Variants in NT5DC1 observed in about 807,000 individuals in gnomAD.
The protein encoded by NT5DC1 is 5'-nucleotidase domain containing 1.
A neutral mutation model predicts 59.4 loss-of-function variants in NT5DC1; 42 were observed. The observed-to-expected ratio is 0.71, with a 90% CI of 0.55 to 0.92. NT5DC1 has a LOEUF of 0.92. Among genes scored for constraint, NT5DC1 ranks in the 40% least tolerant of loss-of-function variants. The pLI is 0.00. For synonymous variants in NT5DC1, 172 were observed against 188.1 expected, an observed-to-expected ratio of 0.91 and a Z score of 0.70; for missense variants, 501 against 537.1, an observed-to-expected ratio of 0.93 and a Z score of 0.66.
rs761683236 is a variant in NT5DC1 at position 116,110,861 on chromosome 6, G to A, written c.269G>A (p.Gly90Asp). The change falls in exon 4 of 12, where the codon GGC becomes GAC. Residue 90 changes from glycine (G) to aspartate (D), a missense_variant. Transcript: ENST00000319550. ...TCTCTCAAAATCAGGGCAAGCCATG[G>A]CACCAAGATGATGACTCCAGAGGTG... ...NNGTVLRASH[G>D]TKMMTPEVLA... The A allele has an allele frequency of 1.9e-6, 3 of 1,613,426 alleles. No individual in the cohort carries two copies. The highest frequency in any genetic ancestry group is 8.5e-7 in the Non-Finnish European group (1 of 1,179,424).
rs35883565 is a variant in NT5DC1, at chr6:116,182,222, A to AGTGTGTGTGTGTGT, written c.530-38813_530-38800dup. The stretch of plus-strand genomic sequence containing the variant: ...TATGGCTGAGTAGTATTCCATGGAG[A>AGTGTGTGTGTGTGT]GTGTGTGTGTGTGTGTGTGTGTGTG... On this transcript the variant is annotated intron_variant, in intron 6 of 11. Coordinates refer to ENST00000319550, the MANE Select transcript of NT5DC1 (RefSeq NM_152729.3). Among the ~76,000 whole-genome samples the AGTGTGTGTGTGTGT allele has an allele frequency of 6.2e-3, 777 of 124,650 alleles. 4 individuals carry two copies. Among genetic ancestry groups the AGTGTGTGTGTGTGT allele is most frequent in the African/African-American group, 0.021 (725 of 34,354 alleles). 81.8% of individuals were successfully genotyped at this position (124,650 alleles called of 152,430 possible). A position where few individuals can be genotyped will look rare whatever the true frequency, so the allele number is the denominator to read the frequency against.
intron 6 of NT5DC1, among the ~76,000 whole-genome samples, chr6:116,172,663 T>G (rs1780638136): frequency 6.6e-6 from 1 of 152,200 alleles, no homozygotes; most frequent in Non-Finnish European, 1.5e-5. Context: ...TTGTTTATGT[T>G]TTCTCTGTAT....
chr6:116,163,141 A>AAAAAAAAAAATAT (rs761718922), intron 6 of NT5DC1, among the ~76,000 whole-genome samples: 27 of 88,382 alleles, frequency 3.1e-4, no homozygotes, highest in African/African-American at 1.5e-3. Flanking sequence ...AAAAAAAAAA[A>AAAAAAAAAAATAT]ATATATATAT....
intron 6 of NT5DC1, among the ~76,000 whole-genome samples, chr6:116,167,035 A>G (rs900092423): frequency 2.6e-5 from 4 of 152,112 alleles, no homozygotes; most frequent in African/African-American, 7.2e-5. Context: ...TGGTTTATAA[A>G]TTTTTGCCCC....
Position 116,101,055 on chromosome 6 carries a change from C to T in NT5DC1, c.93+32C>T, listed in dbSNP as rs534497349. On this transcript the variant is annotated intron_variant, in intron 1 of 11. Transcript: ENST00000319550. ...GGCGCGGGCTCCGGGGCGCACTGCG[C>T]GCAACCTCCATGGCGGCTGGGGCTT... 437 of 1,482,390 alleles carry T rather than the reference C, an allele frequency of 2.9e-4. 1 individual carries two copies. Among genetic ancestry groups the T allele is most frequent in the Admixed American group, 3.5e-4 (20 of 56,460 alleles). 91.8% of individuals were successfully genotyped at this position (1,482,390 alleles called of 1,614,324 possible).
rs142463796 is a variant in NT5DC1, at chr6:116,121,734, C to T, written c.529+3789C>T. The T allele has an allele frequency of 3.4e-3, 5,544 of 1,614,006 alleles. 134 individuals carry two copies. The South Asian group carries it at 0.041, about 12-fold the overall frequency. ...CCTGGTAGGCCAGCTGGTCCAACAT[C>T]TCCTTTTGGTCCATATGGTCCTCTC... On this transcript the variant is annotated intron_variant, in intron 6 of 11. Transcript: ENST00000319550.
chr6:116,111,043 C>G (rs1331636150), intron 4 of NT5DC1, 87 bp downstream of exon 4: 5 of 861,600 alleles, frequency 5.8e-6, no homozygotes, highest in Non-Finnish European at 9.4e-6. Flanking sequence ...GAAGACCCCC[C>G]TTTCCCCTGC....
chr6:116,236,401 G>A (rs1782114456), intron 8 of NT5DC1, among the ~76,000 whole-genome samples: 1 of 152,174 alleles, frequency 6.6e-6, no homozygotes, highest in Non-Finnish European at 1.5e-5. Context: ...GAGTAGGAAG[G>A]TAATGTGCTG....
chr6:116,110,920 C>A lies in NT5DC1; in HGVS notation c.328C>A (p.His110Asn), dbSNP rs765537050. 2 of 1,613,680 alleles carry A rather than the reference C, an allele frequency of 1.2e-6. No homozygotes were observed. Among genetic ancestry groups the A allele is most frequent in the East Asian group, 2.2e-5 (1 of 44,874 alleles). The change falls in exon 4 of 12, where the codon CAC (histidine) becomes AAC (asparagine). Residue 110 changes from histidine to asparagine, a missense_variant. His to Asn is a moderately conservative substitution (Grantham distance 68, BLOSUM62 1). Transcript: ENST00000319550. ...GGCATATGGCAAGAAAGAGTGGAAG[C>A]ACTTCTTGTCGGACACTGGAATGGC... ...AEAYGKKEWK[H>N]FLSDTGMACR...
At position 116,115,657 on chromosome 6, in the gene NT5DC1, G is replaced by T. The variant is rs999773183; in HGVS notation, c.365-34G>T. 8 of 1,041,848 alleles carry T rather than the reference G, an allele frequency of 7.7e-6. No homozygotes were observed. The African/African-American group carries it at 1.3e-4, about 16-fold the overall frequency. 64.5% of individuals were successfully genotyped at this position (1,041,848 alleles called of 1,614,324 possible). A position where few individuals can be genotyped will look rare whatever the true frequency, so the allele number is the denominator to read the frequency against. Reference sequence around the variant, plus strand: ...GTATTTCACATGCATGCAGCATTATGTTGTTCCCAGTTTAAAATTTTGTTC... The same window carrying T: ...GTATTTCACATGCATGCAGCATTATTTTGTTCCCAGTTTAAAATTTTGTTC... On this transcript the variant is annotated intron_variant, in intron 4 of 11. Transcript: ENST00000319550.
At chr6:116,192,906 G>C (rs556090010) in intron 6 of NT5DC1, among the ~76,000 whole-genome samples, 1 of 151,992 alleles carries the variant, frequency 6.6e-6, no homozygotes, top group Non-Finnish European at 1.5e-5. Context: ...GCAGACCCCA[G>C]TTGTCCTGAC....
intron 6 of NT5DC1, among the ~76,000 whole-genome samples, chr6:116,127,338 G>C (rs926155321): frequency 6.6e-6 from 1 of 152,028 alleles, no homozygotes; most frequent in Non-Finnish European, 1.5e-5. Context: ...AATGGATAAG[G>C]CATCTCATTG....
chr6:116,133,137 T>C (rs1779510577), intron 6 of NT5DC1, among the ~76,000 whole-genome samples: 1 of 152,200 alleles, frequency 6.6e-6, no homozygotes, highest in South Asian at 2.1e-4. Flanking sequence ...GAGCTCATAG[T>C]TTCGTGCGCC....
intron 6 of NT5DC1, among the ~76,000 whole-genome samples, chr6:116,168,287 TTTTC>T (rs1325394885): frequency 6.6e-6 from 1 of 152,070 alleles, no homozygotes; most frequent in Non-Finnish European, 1.5e-5. Flanking sequence ...ACCTTCTCTC[TTTTC>T]TTGTCTGCCT....
Position 116,201,052 on chromosome 6 carries a change from G to A in NT5DC1, c.530-20002G>A, listed in dbSNP as rs367561546. On this transcript the variant is annotated intron_variant, in intron 6 of 11. Transcript: ENST00000319550. ...CACAGCACCAACTTGCCCAGTAGGA[G>A]TGAAGTACTAACTTGCCCAATAGGA... Among the ~76,000 whole-genome samples, 36 of 152,086 alleles carry A rather than the reference G, an allele frequency of 2.4e-4. No individual in the cohort carries two copies. The East Asian group carries it at 5.5e-3, about 23-fold the overall frequency.
At chr6:116,211,330 A>G (rs1276769963) in intron 6 of NT5DC1, among the ~76,000 whole-genome samples, 1 of 152,072 alleles carries the variant, frequency 6.6e-6, no homozygotes, top group Non-Finnish European at 1.5e-5. Context: ...TCAGGAGATG[A>G]TAATACATTG....
At chr6:116,211,158 A>T (rs1781570163) in intron 6 of NT5DC1, among the ~76,000 whole-genome samples, 1 of 152,068 alleles carries the variant, frequency 6.6e-6, no homozygotes, top group Admixed American at 6.6e-5. Context: ...GAGAAAGCTC[A>T]AGCTAGCTAA....
intron 11 of NT5DC1, among the ~76,000 whole-genome samples, chr6:116,242,151 A>G (rs1031210792): frequency 6.6e-6 from 1 of 151,768 alleles, no homozygotes; most frequent in Admixed American, 6.6e-5. Context: ...CGGGCGGATC[A>G]CGAGGTCAGG....
At chr6:116,213,877 C>T (rs1562167708) in intron 6 of NT5DC1, among the ~76,000 whole-genome samples, 1 of 151,920 alleles carries the variant, frequency 6.6e-6, no homozygotes, top group Non-Finnish European at 1.5e-5. Context: ...TTGTGCCAAG[C>T]ACTATGAGAT....
Sources: allele counts gnomAD v4.1 joint callset (sites outside exome capture counted in the v4.1 genomes callset), GRCh38; gene constraint gnomAD v4.1.1; transcripts MANE v1.5; gene names NCBI Gene and HGNC (gene_info 2026-07-23, HGNC 2026-07-21).